Variants in NDRG3 observed in about 807,000 individuals in gnomAD.
NDRG3 encodes the protein protein NDRG3.
A neutral mutation model predicts 57.2 loss-of-function variants in NDRG3; 23 were observed. The ratio of observed to expected loss-of-function variants is 0.40; its 90% CI spans 0.29 to 0.57. The LOEUF (loss-of-function observed/expected upper bound fraction) is 0.57. Ranked by LOEUF, NDRG3 falls within the 20% of genes least tolerant of loss-of-function variation. The pLI is 0.42. For synonymous variants in NDRG3, 132 were observed against 162.6 expected (o/e 0.81, Z 1.43); for missense variants, 384 against 457.3 (o/e 0.84, Z 1.46).
intron 2 of NDRG3, among the ~76,000 whole-genome samples, chr20:36,716,493 A>G (rs1288012170): frequency 6.7e-6 from 1 of 148,544 alleles, no homozygotes; most frequent in East Asian, 2.0e-4. Flanking sequence ...AGATCATGCC[A>G]CTGCACTCCA....
chr20:36,745,692 G>A (rs542075329), intron 1 of NDRG3, among the ~76,000 whole-genome samples: 1 of 152,326 alleles, frequency 6.6e-6, no homozygotes, highest in African/African-American at 2.4e-5. Flanking sequence ...CAACCCCAAG[G>A]CCCACCAAGC....
intron 3 of NDRG3, among the ~76,000 whole-genome samples, chr20:36,701,883 C>T (rs1983252988): frequency 1.3e-5 from 2 of 148,410 alleles, no homozygotes; most frequent in South Asian, 4.3e-4. Context: ...AAAAAAAAAG[C>T]CTTTTAAGAA....
chr20:36,704,965 C>T (rs1038708286), intron 3 of NDRG3, among the ~76,000 whole-genome samples: 1 of 152,142 alleles, frequency 6.6e-6, no homozygotes, highest in Non-Finnish European at 1.5e-5. Flanking sequence ...TCAATCCCAA[C>T]CACTCAATGG....
chr20:36,662,840 G>C (rs1325393582), intron 12 of NDRG3, among the ~76,000 whole-genome samples: 7 of 152,124 alleles, frequency 4.6e-5, no homozygotes, highest in Non-Finnish European at 1.0e-4. Context: ...ATCAGAAAGA[G>C]GGAGAGGCCT....
At chr20:36,667,334 C>T (rs1472696987) in intron 9 of NDRG3, among the ~76,000 whole-genome samples, 1 of 151,992 alleles carries the variant, frequency 6.6e-6, no homozygotes, top group Non-Finnish European at 1.5e-5. Context: ...TGGCTGTTCA[C>T]AGGCACTATC....
chr20:36,712,593 T>A (rs1428752588), intron 2 of NDRG3, among the ~76,000 whole-genome samples: 86 of 62,650 alleles, frequency 1.4e-3, no homozygotes, highest in South Asian at 2.7e-3. Flanking sequence ...ATATATTTTT[T>A]TTTTTTTTTT....
intron 6 of NDRG3, among the ~76,000 whole-genome samples, chr20:36,683,248 A>T (rs973603220): frequency 4.6e-5 from 7 of 151,928 alleles, no homozygotes; most frequent in Non-Finnish European, 8.8e-5. Flanking sequence ...TGTCTCAAAA[A>T]AAACAAAAAA....
intron 7 of NDRG3, among the ~76,000 whole-genome samples, chr20:36,682,308 T>C (rs1336377283): frequency 6.6e-6 from 1 of 152,232 alleles, no homozygotes; most frequent in African/African-American, 2.4e-5. Context: ...GGACTTGCTT[T>C]TTATTGATGA....
intron 1 of NDRG3, among the ~76,000 whole-genome samples, chr20:36,724,347 G>C (rs1984790273): frequency 6.6e-6 from 1 of 152,120 alleles, no homozygotes; most frequent in African/African-American, 2.4e-5. Flanking sequence ...TGGTTCTTTT[G>C]TCAGATCGCA....
rs1978367170 is a variant in NDRG3 at position 36,653,325 on chromosome 20, T to C, written c.*195A>G. 1.8e-6 allele frequency: 1 copy of C among 548,194 alleles called. No homozygotes were observed. The highest frequency in any genetic ancestry group is 1.9e-5 in the African/African-American group (1 of 53,162). The allele number at this position is 548,194 out of a possible 1,614,324, so 34.0% of individuals were successfully genotyped here. On this transcript the variant is annotated 3_prime_UTR_variant, in exon 16 of 16. Transcript: ENST00000349004. This position sits in a 1 kb window ranked among gnomAD's most constrained non-coding sequence, Gnocchi z 4.2. ...GATGTTGGAATGTTACAGTATGGCA[T>C]GGAAGTGGTTCTTGGGCTATACAAA...
At chr20:36,704,606 A>T (rs901742520) in intron 3 of NDRG3, among the ~76,000 whole-genome samples, 4 of 152,200 alleles carry the variant, frequency 2.6e-5, no homozygotes, top group Non-Finnish European at 5.9e-5. Flanking sequence ...CTGAAGTTAG[A>T]TCAAATTAAA....
chr20:36,663,573 C>T (rs1452997909), intron 12 of NDRG3, among the ~76,000 whole-genome samples: 1 of 152,036 alleles, frequency 6.6e-6, no homozygotes, highest in African/African-American at 2.4e-5. Context: ...GAATTAACTA[C>T]TAATAAAAAA....
At chr20:36,669,123 C>A (rs977832363) in intron 9 of NDRG3, among the ~76,000 whole-genome samples, 1 of 151,438 alleles carries the variant, frequency 6.6e-6, no homozygotes, top group African/African-American at 2.4e-5. Context: ...ATGGCGCGAT[C>A]TCGGCTCAAC....
At chr20:36,727,628 G>A (rs568051753) in intron 1 of NDRG3, among the ~76,000 whole-genome samples, 32 of 150,618 alleles carry the variant, frequency 2.1e-4, no homozygotes, top group Non-Finnish European at 4.3e-4. Flanking sequence ...TGCAAGCTCC[G>A]CCTCCTGGGT....
At chr20:36,656,229 AT>A in intron 15 of NDRG3, 130 bp downstream of exon 15, 4 of 753,552 alleles carry the variant, frequency 5.3e-6, no homozygotes, top group Non-Finnish European at 8.8e-6. Context: ...TTCCATAAAC[AT>A]TTCAGTTTCT....
At chr20:36,717,482 C>G (rs549345014) in intron 2 of NDRG3, among the ~76,000 whole-genome samples, 22 of 152,252 alleles carry the variant, frequency 1.4e-4, no homozygotes, top group Admixed American at 3.9e-4. Context: ...AAAGGTGATG[C>G]CAAAACATCT....
chr20:36,732,102 C>T (rs959786210), intron 1 of NDRG3, among the ~76,000 whole-genome samples: 4 of 94,764 alleles, frequency 4.2e-5, no homozygotes, highest in African/African-American at 1.1e-4. Flanking sequence ...GCCTGGGCAA[C>T]AGAGTGAGAC....
intron 3 of NDRG3, among the ~76,000 whole-genome samples, chr20:36,702,278 A>G (rs1370631863): frequency 6.6e-6 from 1 of 151,534 alleles, no homozygotes; most frequent in Non-Finnish European, 1.5e-5. Context: ...CAGGGACCAC[A>G]GGTGCCCGCC....
intron 1 of NDRG3, among the ~76,000 whole-genome samples, chr20:36,738,822 CAAA>C (rs1158908616): frequency 8.6e-5 from 7 of 81,774 alleles, no homozygotes; most frequent in Admixed American, 2.7e-4. Flanking sequence ...AAAACTGTCT[CAAA>C]AAAAAAAAAA....
Sources: allele counts gnomAD v4.1 joint callset (sites outside exome capture counted in the v4.1 genomes callset), GRCh38; gene constraint gnomAD v4.1.1; non-coding constraint Gnocchi (gnomAD v3.1); transcripts MANE v1.5; gene names NCBI Gene and HGNC (gene_info 2026-07-23, HGNC 2026-07-21).